Variants in MGA observed in about 807,000 individuals in gnomAD.
The protein encoded by MGA is MAX dimerization protein MGA.
MGA carries 40 observed loss-of-function variants against 261.1 expected under a neutral mutation model. The ratio of observed to expected loss-of-function variants is 0.15; its 90% confidence interval spans 0.12 to 0.20. The LOEUF (loss-of-function observed/expected upper bound fraction) is 0.20. Ranked by LOEUF, MGA falls within the 10% of genes least tolerant of loss-of-function variation. The pLI is 1.00. For synonymous variants in MGA, 1,302 were observed against 1,290.6 expected (o/e 1.01, Z -0.19); for missense variants, 3,397 against 3,630.5 (o/e 0.94, Z 1.65).
chr15:41,758,007 T>C (rs1330844946), intron 19 of MGA, among the ~76,000 whole-genome samples, 168 bp downstream of exon 19: 1 of 152,188 alleles, frequency 6.6e-6, no homozygotes, highest in Non-Finnish European at 1.5e-5. Context: ...ATACTGCTAA[T>C]GTCCTTTTTT....
chr15:41,644,385 G>GTGGCTCA (rs2056892029), intron 1 of MGA, among the ~76,000 whole-genome samples: 1 of 150,716 alleles, frequency 6.6e-6, no homozygotes, highest in African/African-American at 2.4e-5. Flanking sequence ...GCCGGGTGTG[G>GTGGCTCA]TGGCTCACAT....
Position 41,729,280 on chromosome 15 carries a change from C to G in MGA, c.3774C>G (p.Ser1258=). 1 of 1,613,898 alleles carries G rather than the reference C, an allele frequency of 6.2e-7. No homozygotes were observed. ...ACCAGAGACAACCATCTTCCTCCTC[C>G]TCCCCATCTCCATCATTTCAGCAGC... The change falls in exon 11 of 24, where the codon TCC becomes TCG. Residue 1258 remains serine (S), a synonymous_variant. Transcript: ENST00000219905.
At chr15:41,695,345 C>T (rs1029155755) in intron 2 of MGA, among the ~76,000 whole-genome samples, 40 of 152,236 alleles carry the variant, frequency 2.6e-4, no homozygotes, top group African/African-American at 8.7e-4. Context: ...TGTGCTACCA[C>T]GCTGAGCTAA....
intron 1 of MGA, among the ~76,000 whole-genome samples, chr15:41,663,629 C>T (rs1468574339): frequency 1.3e-5 from 2 of 151,974 alleles, no homozygotes; most frequent in Non-Finnish European, 2.9e-5. Context: ...AACACGACGC[C>T]CGGCTAATTT....
chr15:41,766,822 A>G lies in MGA; in HGVS notation c.8740A>G (p.Lys2914Glu). Residue 2914 changes from lysine to glutamate, a missense_variant, in exon 24 of 24, where the codon AAA (lysine) becomes GAA (glutamate). Lys to Glu is a moderately conservative substitution (Grantham distance 56). This residue lies in a region of MGA where 647 missense variants were observed against 642.4 expected (regional missense o/e 1.01). Transcript: ENST00000219905. ...AGACGATGACTTTTCTGAGAATGAAAAACAACTTGCAGAACCAGCCTCTGA... is the reference window on the plus strand; with the variant it reads ...AGACGATGACTTTTCTGAGAATGAAGAACAACTTGCAGAACCAGCCTCTGA... The G allele has an allele frequency of 1.2e-6, 2 of 1,613,994 alleles. No homozygotes were observed. Among genetic ancestry groups the G allele is most frequent in the Non-Finnish European group, 1.7e-6 (2 of 1,179,890 alleles).
At chr15:41,656,676 A>T (rs1029699566), upstream of MGA, among the ~76,000 whole-genome samples, 2 of 151,680 alleles carry the variant, frequency 1.3e-5, no homozygotes, top group African/African-American at 4.8e-5. Flanking sequence ...AATGTTGATT[A>T]TATTCCGTAA....
At chr15:41,689,952 C>T (rs2059182329) in intron 2 of MGA, among the ~76,000 whole-genome samples, 1 of 152,154 alleles carries the variant, frequency 6.6e-6, no homozygotes, top group Non-Finnish European at 1.5e-5. Context: ...TAAAATTCAC[C>T]TACCAACTGA....
chr15:41,669,998 A>T (rs1183687262), intron 2 of MGA, 40 bp downstream of exon 2: 1 of 1,503,260 alleles, frequency 6.7e-7, no homozygotes, highest in African/African-American at 1.4e-5. Context: ...TAAAAGGAAG[A>T]TTGAGATGGG....
Position 41,710,999 on chromosome 15 carries a change from A to G in MGA, c.2734A>G (p.Lys912Glu). ...ACAGGCAACTTTCAGTGGCCGAACT[A>G]AATCATCTTATAAATCCATTTTACC... Residue 912 changes from lysine (K) to glutamate (E), a missense_variant, in exon 8 of 24, where the codon AAA becomes GAA. Transcript: ENST00000219905. The G allele has an allele frequency of 6.2e-7, 1 of 1,614,024 alleles. No individual in the cohort carries two copies. The highest frequency in any genetic ancestry group is 8.5e-7 in the Non-Finnish European group (1 of 1,179,884).
At position 41,637,305 on chromosome 15, in the gene MGA, C is replaced by T. The variant is rs138016524; in HGVS notation, c.-68+16007C>T. Among the ~76,000 whole-genome samples the T allele has an allele frequency of 1.5e-3, 221 of 152,138 alleles. 1 individual carries two copies. The highest frequency in any genetic ancestry group is 5.1e-3 in the African/African-American group (212 of 41,494). On this transcript the variant is annotated intron_variant, in intron 1 of 8. Coordinates refer to the MGA transcript ENST00000566718. ...ATCATATTGCCTTTGTCTTTGGTGA[C>T]CTGGGATTATAGAGATCAGAGGGAA...
At chr15:41,727,966 C>T (rs939308055) in intron 10 of MGA, among the ~76,000 whole-genome samples, 5 of 152,236 alleles carry the variant, frequency 3.3e-5, no homozygotes, top group Non-Finnish European at 5.9e-5. Flanking sequence ...TCCTATACTA[C>T]GATGCTACTG....
intron 17 of MGA, among the ~76,000 whole-genome samples, chr15:41,754,032 C>T (rs1220928931): frequency 6.6e-6 from 1 of 152,140 alleles, no homozygotes; most frequent in Non-Finnish European, 1.5e-5. Flanking sequence ...AATCCTCCCA[C>T]CTCAGGTTTC....
intron 5 of MGA, among the ~76,000 whole-genome samples, chr15:41,702,225 G>T (rs2059891355): frequency 6.6e-6 from 1 of 151,926 alleles, no homozygotes; most frequent in African/African-American, 2.4e-5. Context: ...GGAGGCTGAG[G>T]CAGGAGAATT....
chr15:41,741,311 C>T (rs1567062104), intron 14 of MGA, among the ~76,000 whole-genome samples: 1 of 127,692 alleles, frequency 7.8e-6, no homozygotes, highest in Non-Finnish European at 1.6e-5. Context: ...CGTGCCACTG[C>T]ACTCCAGCCT....
intron 1 of MGA, among the ~76,000 whole-genome samples, chr15:41,638,209 A>C (rs2056748753): frequency 6.7e-6 from 1 of 150,134 alleles, no homozygotes; most frequent in African/African-American, 2.5e-5. Flanking sequence ...TGCCCGGCTA[A>C]TTTTTGTATT....
intron 17 of MGA, among the ~76,000 whole-genome samples, chr15:41,752,573 T>TAA (rs2062899153): frequency 6.7e-6 from 1 of 148,322 alleles, no homozygotes; most frequent in Admixed American, 6.7e-5. Context: ...TTTTTTTTTT[T>TAA]TAACAGAGTC....
At chr15:41,708,857 C>G (rs2060243443) in intron 7 of MGA, among the ~76,000 whole-genome samples, 1 of 152,208 alleles carries the variant, frequency 6.6e-6, no homozygotes, top group Non-Finnish European at 1.5e-5. Context: ...TCAAACTAAA[C>G]TAATCCAAGC....
upstream of MGA, among the ~76,000 whole-genome samples, chr15:41,656,365 T>C (rs1259537520): frequency 2.9e-5 from 4 of 139,290 alleles, no homozygotes; most frequent in Non-Finnish European, 6.4e-5. Flanking sequence ...TCTCTCTCTC[T>C]CTCTCTCTCT....
At chr15:41,633,906 T>C (rs1365621743) in intron 1 of MGA, among the ~76,000 whole-genome samples, 1 of 152,192 alleles carries the variant, frequency 6.6e-6, no homozygotes, top group Non-Finnish European at 1.5e-5. Context: ...CCCCTCTTAC[T>C]TCTCTGACCT....
Sources: allele counts gnomAD v4.1 joint callset (sites outside exome capture counted in the v4.1 genomes callset), GRCh38; gene constraint gnomAD v4.1.1; regional missense constraint gnomAD v4.1.1; transcripts MANE v1.5; gene names NCBI Gene and HGNC (gene_info 2026-07-23, HGNC 2026-07-21).